Variants in ATP10B observed in about 807,000 individuals in gnomAD.
ATP10B encodes the protein phospholipid-transporting ATPase VB.
A neutral mutation model predicts 141.2 loss-of-function variants in ATP10B; 122 were observed. The observed-to-expected ratio is 0.86, with a 90% CI of 0.75 to 1.00. ATP10B has a LOEUF of 1.00. ATP10B is among the 50% of genes least tolerant of loss of function. The pLI is 0.00. For synonymous variants in ATP10B, 685 were observed against 692.0 expected, an observed-to-expected ratio of 0.99 and a Z score of 0.16; for missense variants, 1,876 against 1,825.3, an observed-to-expected ratio of 1.03 and a Z score of -0.51.
chr5:160,730,482 G>C (rs1013017074), intron 2 of ATP10B, among the ~76,000 whole-genome samples: 1 of 151,992 alleles, frequency 6.6e-6, no homozygotes, highest in African/African-American at 2.4e-5. Flanking sequence ...GATGGGAGTT[G>C]TTAACGATGC....
intron 2 of ATP10B, among the ~76,000 whole-genome samples, chr5:160,773,583 T>C (rs1488928042): frequency 6.6e-6 from 1 of 152,176 alleles, no homozygotes; most frequent in South Asian, 2.1e-4. Flanking sequence ...GGCTAATAGC[T>C]GAAGAGTTAT....
the ATP10B span, among the ~76,000 whole-genome samples, chr5:160,925,287 G>A: frequency 1.3e-5 from 2 of 152,184 alleles, no homozygotes; most frequent in Non-Finnish European, 2.9e-5. Flanking sequence ...AAAGAGTTGA[G>A]GGAAAAGTAG....
intron 7 of ATP10B, among the ~76,000 whole-genome samples, chr5:160,657,913 T>G (rs946174852): frequency 2.6e-5 from 4 of 152,206 alleles, no homozygotes; most frequent in African/African-American, 9.6e-5. Flanking sequence ...GCAGGTGCCA[T>G]CAGATGGCCA....
At chr5:160,572,871 T>C (rs150714134) in intron 24 of ATP10B, among the ~76,000 whole-genome samples, 198 of 152,360 alleles carry the variant, frequency 1.3e-3, no homozygotes, top group African/African-American at 3.8e-3. Flanking sequence ...TCAGATTTTA[T>C]GGAAAGATTA....
At chr5:160,868,859 G>A in the ATP10B span, among the ~76,000 whole-genome samples, 2 of 152,098 alleles carry the variant, frequency 1.3e-5, no homozygotes, top group East Asian at 1.9e-4. Context: ...CAAAGCCAGG[G>A]CATAGTATTA....
intron 9 of ATP10B, among the ~76,000 whole-genome samples, chr5:160,643,223 A>G (rs1760007013): frequency 6.6e-6 from 1 of 152,256 alleles, no homozygotes; most frequent in South Asian, 2.1e-4. Flanking sequence ...ATCTTATGGT[A>G]GATGGATATT....
At chr5:160,749,407 GC>G (rs1768006859) in intron 2 of ATP10B, among the ~76,000 whole-genome samples, 1 of 152,180 alleles carries the variant, frequency 6.6e-6, no homozygotes, top group Admixed American at 6.5e-5. Context: ...GGGGGTTCAT[GC>G]CTCTTCTTTC....
At chr5:160,787,666 C>T (rs77809630) in intron 1 of ATP10B, among the ~76,000 whole-genome samples, 1,724 of 152,164 alleles carry the variant, frequency 0.011, 41 homozygotes, top group African/African-American at 0.017. Flanking sequence ...CCGTGTCCTG[C>T]GTGGGGGGCA....
chr5:160,620,252 G>A lies in ATP10B; in HGVS notation c.2416+95C>T, dbSNP rs1047961644. On this transcript the variant is annotated intron_variant, in intron 15 of 25. Transcript: ENST00000327245. ...TTCCAGTTGGGACCTGCCATACCAGGTGACACTACAACTTGAGCTTCTTAT... is the reference window on the plus strand; with the variant it reads ...TTCCAGTTGGGACCTGCCATACCAGATGACACTACAACTTGAGCTTCTTAT... 6.1e-6 allele frequency: 9 copies of A among 1,473,694 alleles called. No homozygotes were observed. The Admixed American group carries it at 1.8e-4, about 29-fold the overall frequency. The allele number at this position is 1,473,694 out of a possible 1,614,324, so 91.3% of individuals were successfully genotyped here.
intron 7 of ATP10B, among the ~76,000 whole-genome samples, chr5:160,668,044 A>G (rs937417384): frequency 6.6e-6 from 1 of 152,148 alleles, no homozygotes; most frequent in African/African-American, 2.4e-5. Context: ...AGCCTGGCCA[A>G]CATGGCAAAA....
chr5:160,798,113 G>T (rs531785543), intron 1 of ATP10B, among the ~76,000 whole-genome samples: 4 of 152,212 alleles, frequency 2.6e-5, no homozygotes, highest in African/African-American at 9.6e-5. Context: ...AGCTGAGGAG[G>T]TTGGGGAGGG....
At chr5:160,716,861 T>C in intron 3 of ATP10B, 48 bp downstream of exon 3, 1 of 976,008 alleles carries the variant, frequency 1.0e-6, no homozygotes, top group Non-Finnish European at 1.2e-6. Flanking sequence ...TCAGTCATGT[T>C]CCACATAGGA....
chr5:160,689,710 G>A (rs1369595354), intron 3 of ATP10B, among the ~76,000 whole-genome samples: 1 of 148,780 alleles, frequency 6.7e-6, no homozygotes. Flanking sequence ...CAAACCACTG[G>A]TCACACAAAT....
At chr5:160,569,365 C>G in intron 25 of ATP10B, 131 bp downstream of exon 25, 1 of 877,744 alleles carries the variant, frequency 1.1e-6, no homozygotes, top group Middle Eastern at 2.5e-4. Flanking sequence ...TCTGTCCCAT[C>G]TCTCTGTTTC....
chr5:160,755,860 T>A (rs1382503130), intron 2 of ATP10B, among the ~76,000 whole-genome samples: 2 of 121,090 alleles, frequency 1.7e-5, no homozygotes, highest in African/African-American at 7.5e-5. Context: ...TATATATATA[T>A]ATATATATAT....
chr5:160,603,831 C>T (rs1581186616), intron 20 of ATP10B, 134 bp downstream of exon 20: 5 of 674,166 alleles, frequency 7.4e-6, no homozygotes, highest in South Asian at 1.9e-5. Context: ...TTATGTCTGT[C>T]ATTGCTTATG....
intron 3 of ATP10B, chr5:160,691,944 T>C (rs538990190): frequency 6.6e-6 from 1 of 152,358 alleles, no homozygotes; most frequent in East Asian, 1.9e-4. Context: ...TGCACCTTCA[T>C]GGATTTCTTT....
upstream of ATP10B, chr5:160,852,216 G>T (rs769079724): frequency 2.0e-5 from 3 of 151,948 alleles, no homozygotes; most frequent in Non-Finnish European, 2.9e-5. Context: ...TGAAAGAGAA[G>T]AATAGCAAGT....
At position 160,812,415 on chromosome 5, in the gene ATP10B, C is replaced by T. The variant is rs568200398; in HGVS notation, c.-575-26612G>A. Among the ~76,000 whole-genome samples the T allele has an allele frequency of 5.3e-5, 8 of 152,130 alleles. No homozygotes were observed. In the South Asian group the frequency reaches 1.7e-3, roughly 32 times the overall value. On this transcript the variant is annotated intron_variant, in intron 1 of 25. Transcript: ENST00000327245. The stretch of plus-strand genomic sequence containing the variant: ...CTCACTAAATGGACTAAATAAGGTA[C>T]CAGGGACCAATCCTGGAGAAACAGA...
Sources: allele counts gnomAD v4.1 joint callset (sites outside exome capture counted in the v4.1 genomes callset), GRCh38; gene constraint gnomAD v4.1.1; transcripts MANE v1.5; gene names NCBI Gene and HGNC (gene_info 2026-07-23, HGNC 2026-07-21).